The following GPHN variants were observed in gnomAD, a reference collection of about 807,000 sequenced individuals.
The protein encoded by GPHN is gephyrin.
Under a neutral mutation model 95.5 loss-of-function variants are expected in GPHN, and 17 were observed. The observed-to-expected ratio is 0.18, with a 90% CI of 0.12 to 0.27. The LOEUF is 0.27. Ranked by LOEUF, GPHN falls within the 10% of genes least tolerant of loss-of-function variation. The probability of loss-of-function intolerance (pLI) is 1.00; values close to 1 mark genes in which losing one functional copy is unlikely to be tolerated. For synonymous variants in GPHN, 320 were observed against 322.5 expected, an observed-to-expected ratio of 0.99 and a Z score of 0.08; for missense variants, 660 against 978.1, an observed-to-expected ratio of 0.67 and a Z score of 4.34.
intron 1 of GPHN, among the ~76,000 whole-genome samples, chr14:66,648,119 A>C (rs2064851952): frequency 6.6e-6 from 1 of 152,180 alleles, no homozygotes; most frequent in East Asian, 1.9e-4. Flanking sequence ...CAAAGCTTTT[A>C]ACTGTGTTCA....
chr14:66,701,204 A>C (rs910539405), intron 2 of GPHN, among the ~76,000 whole-genome samples: 6 of 152,240 alleles, frequency 3.9e-5, no homozygotes, highest in African/African-American at 1.4e-4. Flanking sequence ...TACATATTAC[A>C]CATTTGAATA....
chr14:66,570,811 C>A (rs1367857235), intron 1 of GPHN, among the ~76,000 whole-genome samples: 1 of 152,080 alleles, frequency 6.6e-6, no homozygotes, highest in African/African-American at 2.4e-5. Flanking sequence ...GCCATTCTAA[C>A]AGGTGTGAGG....
At chr14:67,417,342 A>C in the GPHN span, among the ~76,000 whole-genome samples, 3 of 152,236 alleles carry the variant, frequency 2.0e-5, no homozygotes, top group African/African-American at 7.2e-5. Flanking sequence ...CAGTAAACAC[A>C]CAATAGGTTT....
rs1056495496 is a variant in GPHN at position 66,514,737 on chromosome 14, T to TA, written c.64+6147dup. 2.2e-4 allele frequency among the ~76,000 whole-genome samples: 34 copies of TA among 152,242 alleles called. 1 individual carries two copies. Among genetic ancestry groups the TA allele is most frequent in the Admixed American group, 1.9e-3 (29 of 15,304 alleles). On this transcript the variant is annotated intron_variant, in intron 1 of 22. Transcript: ENST00000478722. ...TTAATCTTTCTGTTATTAGCAATCTTACACTTAGGTTTCAGACACAGCTCA... is the reference window on the plus strand; with the variant it reads ...TTAATCTTTCTGTTATTAGCAATCTTAACACTTAGGTTTCAGACACAGCTCA...
chr14:67,615,833 T>G, the GPHN span: 1 of 616,794 alleles, frequency 1.6e-6, no homozygotes, highest in Non-Finnish European at 3.0e-6. Context: ...AAGAGAACAT[T>G]CTGGCCTGTC....
the GPHN span, among the ~76,000 whole-genome samples, chr14:67,667,225 T>G: frequency 2.0e-5 from 3 of 152,184 alleles, no homozygotes; most frequent in South Asian, 4.1e-4. Context: ...CCTCTCTTCC[T>G]TATGGGGATT....
the GPHN span, chr14:67,348,969 T>G: frequency 6.9e-7 from 1 of 1,450,700 alleles, no homozygotes; most frequent in Non-Finnish European, 9.6e-7. Context: ...TCTTGCTGTA[T>G]AAACAGGTTA....
rs530519030 is a variant in GPHN, at chr14:66,577,549, T to C, written c.64+68958T>C. On this transcript the variant is annotated intron_variant, in intron 1 of 22. Coordinates refer to ENST00000478722, the MANE Select transcript of GPHN (RefSeq NM_020806.5). ...CAAGTAACTGAAGACATTATTAAAT[T>C]ATGGCAAGATTTGTCAACCAAAGTC... Among the ~76,000 whole-genome samples the C allele has an allele frequency of 3.3e-5, 5 of 152,266 alleles. No individual in the cohort carries two copies. The South Asian group carries it at 1.0e-3, about 32-fold the overall frequency.
chr14:66,772,136 A>G (rs888180984), intron 2 of GPHN, among the ~76,000 whole-genome samples: 4 of 151,998 alleles, frequency 2.6e-5, no homozygotes, highest in Non-Finnish European at 5.9e-5. Flanking sequence ...AAGACAGATA[A>G]CCCTGTGTTG....
At chr14:66,514,236 A>G (rs545073941) in intron 1 of GPHN, among the ~76,000 whole-genome samples, 1 of 152,172 alleles carries the variant, frequency 6.6e-6, no homozygotes, top group South Asian at 2.1e-4. Flanking sequence ...AGGCTTTAAG[A>G]TGAAATTAGA....
chr14:67,647,806 A>T, the GPHN span: 1 of 493,684 alleles, frequency 2.0e-6, no homozygotes, highest in African/African-American at 1.9e-5. Flanking sequence ...CATTGGAGTT[A>T]GTCTGTCTGA....
At chr14:66,676,778 G>A (rs1157300397) in intron 1 of GPHN, among the ~76,000 whole-genome samples, 1 of 146,708 alleles carries the variant, frequency 6.8e-6, no homozygotes, top group East Asian at 2.0e-4. Flanking sequence ...TTTTTTTTGT[G>A]ATTGTTGTTG....
At chr14:67,582,041 T>A in the GPHN span, 1 of 1,595,860 alleles carries the variant, frequency 6.3e-7, no homozygotes, top group Non-Finnish European at 8.5e-7. The surrounding 1 kb of genome is among the most constrained non-coding windows in gnomAD (Gnocchi z 5.0). Context: ...CCCTGCTGAG[T>A]CCTGGTTTCT....
At chr14:66,677,798 A>C (rs537853961) in intron 1 of GPHN, among the ~76,000 whole-genome samples, 4 of 152,114 alleles carry the variant, frequency 2.6e-5, no homozygotes. Flanking sequence ...AGTTGGACCA[A>C]ATATGTTCTG....
chr14:66,557,768 A>G (rs768766909), intron 1 of GPHN, among the ~76,000 whole-genome samples: 10 of 152,182 alleles, frequency 6.6e-5, no homozygotes, highest in African/African-American at 1.4e-4. Context: ...GCCATCAGAA[A>G]TCACCTTGAC....
chr14:66,703,329 A>C (rs957127073), intron 2 of GPHN, among the ~76,000 whole-genome samples: 3 of 152,124 alleles, frequency 2.0e-5, no homozygotes. Flanking sequence ...GATCAACCCA[A>C]AGACACATAA....
intron 11 of GPHN, among the ~76,000 whole-genome samples, chr14:67,069,338 G>A (rs955549250): frequency 1.3e-5 from 2 of 152,084 alleles, no homozygotes; most frequent in African/African-American, 4.8e-5. Flanking sequence ...AAATTACAGA[G>A]TATTTACAGT....
At chr14:66,897,495 C>T (rs1159875713) in intron 5 of GPHN, among the ~76,000 whole-genome samples, 12 of 152,028 alleles carry the variant, frequency 7.9e-5, no homozygotes, top group Non-Finnish European at 1.8e-4. Flanking sequence ...TGTCACCCAG[C>T]CCCCCTTTCC....
At chr14:67,342,489 C>T in the GPHN span, among the ~76,000 whole-genome samples, 12 of 149,616 alleles carry the variant, frequency 8.0e-5, no homozygotes, top group Admixed American at 2.0e-4. Context: ...TCATTAGGCT[C>T]GACTTTACAT....
Sources: gnomAD v4.1 joint callset for allele counts (sites outside exome capture counted in the v4.1 genomes callset) on GRCh38, gnomAD v4.1.1 for gene constraint, Gnocchi (gnomAD v3.1) non-coding constraint, MANE v1.5 for transcripts, NCBI Gene and HGNC (gene_info 2026-07-23, HGNC 2026-07-21) for gene names.